Variants in KCTD8 observed in about 807,000 individuals in gnomAD.
KCTD8 encodes the protein BTB/POZ domain-containing protein KCTD8.
KCTD8 carries 27 observed loss-of-function variants against 31.5 expected under a neutral mutation model. That is an observed-to-expected ratio of 0.86 (90% CI 0.63 to 1.18). The LOEUF is 1.18. KCTD8 is among the 50% of genes most tolerant of loss of function. The probability of loss-of-function intolerance (pLI) is 0.00; values close to 1 mark genes in which losing one functional copy is unlikely to be tolerated. For synonymous variants in KCTD8, 290 were observed against 280.0 expected (o/e 1.04, Z -0.36); for missense variants, 658 against 647.7 (o/e 1.02, Z -0.17).
intron 1 of KCTD8, among the ~76,000 whole-genome samples, chr4:44,393,233 A>G (rs1720414922): frequency 6.6e-6 from 1 of 152,022 alleles, no homozygotes; most frequent in African/African-American, 2.4e-5. Flanking sequence ...CTTCAAAAGT[A>G]TGATCAGGTT....
At chr4:44,445,217 G>C (rs1403731466) in intron 1 of KCTD8, among the ~76,000 whole-genome samples, 1 of 152,010 alleles carries the variant, frequency 6.6e-6, no homozygotes, top group African/African-American at 2.4e-5. Context: ...AATGAAAGCT[G>C]TAAAAAATAA....
chr4:44,181,349 G>A (rs1272785550), intron 1 of KCTD8, among the ~76,000 whole-genome samples: 20 of 152,124 alleles, frequency 1.3e-4, no homozygotes, highest in Non-Finnish European at 1.5e-5. Context: ...CTCCCTGCCT[G>A]GTTCTCCTGC....
intron 1 of KCTD8, among the ~76,000 whole-genome samples, chr4:44,217,230 C>A (rs1033313223): frequency 6.6e-6 from 1 of 152,070 alleles, no homozygotes; most frequent in Non-Finnish European, 1.5e-5. Flanking sequence ...TCTTCACACA[C>A]CCCCAAAATC....
At chr4:44,413,987 T>C (rs1398585278) in intron 1 of KCTD8, among the ~76,000 whole-genome samples, 1 of 152,070 alleles carries the variant, frequency 6.6e-6, no homozygotes, top group Non-Finnish European at 1.5e-5. Flanking sequence ...ACCTAGATGC[T>C]GAAAAAGACT....
intron 1 of KCTD8, among the ~76,000 whole-genome samples, chr4:44,202,376 T>C (rs1253181065): frequency 6.6e-6 from 1 of 152,128 alleles, no homozygotes; most frequent in Non-Finnish European, 1.5e-5. Context: ...TGGAATCAAC[T>C]TAGGTGCCCA....
At chr4:44,278,847 T>G (rs555899688) in intron 1 of KCTD8, among the ~76,000 whole-genome samples, 1 of 152,162 alleles carries the variant, frequency 6.6e-6, no homozygotes, top group South Asian at 2.1e-4. Context: ...CAGACTCCAC[T>G]GGCAACAAAA....
intron 1 of KCTD8, among the ~76,000 whole-genome samples, chr4:44,285,987 T>C (rs1281507935): frequency 6.6e-6 from 1 of 152,138 alleles, no homozygotes; most frequent in Middle Eastern, 3.2e-3. Flanking sequence ...ATTAACGAGT[T>C]AAATTAAAAG....
intron 1 of KCTD8, among the ~76,000 whole-genome samples, chr4:44,237,867 A>T (rs1371493307): frequency 1.3e-5 from 2 of 152,148 alleles, no homozygotes; most frequent in African/African-American, 4.8e-5. Context: ...TGAGAGATTA[A>T]ACAGAAACCA....
chr4:44,186,610 G>A (rs1713595668), intron 1 of KCTD8, among the ~76,000 whole-genome samples: 1 of 152,190 alleles, frequency 6.6e-6, no homozygotes, highest in Non-Finnish European at 1.5e-5. Flanking sequence ...GCTGCTGTGG[G>A]GACGGAGCCC....
chr4:44,428,427 T>C (rs889028957), intron 1 of KCTD8, among the ~76,000 whole-genome samples: 1 of 151,678 alleles, frequency 6.6e-6, no homozygotes, highest in Non-Finnish European at 1.5e-5. Context: ...CTCCAGTCAA[T>C]TAATAATTAA....
At chr4:44,235,555 ATATATATATATATATATATATT>A (rs1346834376) in intron 1 of KCTD8, among the ~76,000 whole-genome samples, 4 of 87,650 alleles carry the variant, frequency 4.6e-5, no homozygotes, top group African/African-American at 1.7e-4. Context: ...ATATATATAT[ATATATATATATATATATATATT>A]TAGAGAGAGA....
chr4:44,447,816 C>T lies in KCTD8; in HGVS notation c.708G>A (p.Met236Ile). 6.2e-7 allele frequency: 1 copy of T among 1,602,316 alleles called. No individual in the cohort carries two copies. The highest frequency in any genetic ancestry group is 8.5e-7 in the Non-Finnish European group (1 of 1,173,148). ...TGGCCAGCGCGATGCGCCCGCACAC[C>T]ATGATGCGCGCCACACGCCGGAATT... ...DAKFRRVARIMVCGRIALAKE... is the reference protein window; with the variant it reads ...DAKFRRVARIIVCGRIALAKE... Residue 236 changes from methionine (M) to isoleucine (I), a missense_variant, in exon 1 of 2, where the codon ATG (methionine) becomes ATA (isoleucine). By Grantham distance (10) the Met-to-Ile change is conservative. Coordinates refer to ENST00000360029, the MANE Select transcript of KCTD8 (RefSeq NM_198353.3).
chr4:44,252,695 G>T (rs1715877865), intron 1 of KCTD8, among the ~76,000 whole-genome samples: 1 of 151,522 alleles, frequency 6.6e-6, no homozygotes, highest in Non-Finnish European at 1.5e-5. Context: ...AATAAATTCT[G>T]CCTTGCCCTA....
intron 1 of KCTD8, among the ~76,000 whole-genome samples, chr4:44,190,556 C>T (rs1009455171): frequency 2.6e-5 from 4 of 152,154 alleles, no homozygotes; most frequent in African/African-American, 4.8e-5. Flanking sequence ...ATCATAATGC[C>T]CTACCAAATC....
At chr4:44,240,614 C>T (rs28735791) in intron 1 of KCTD8, among the ~76,000 whole-genome samples, 218 of 152,282 alleles carry the variant, frequency 1.4e-3, no homozygotes, top group African/African-American at 4.8e-3. Flanking sequence ...GCTGGGACGA[C>T]AGGTTCAAGT....
intron 1 of KCTD8, among the ~76,000 whole-genome samples, chr4:44,199,597 TGAAATTAAA>T (rs1480454989): frequency 6.6e-6 from 1 of 152,100 alleles, no homozygotes; most frequent in Admixed American, 6.6e-5. Flanking sequence ...AAACATTTTT[TGAAATTAAA>T]GAAATTAAAG....
At chr4:44,253,182 A>G (rs1447896609) in intron 1 of KCTD8, among the ~76,000 whole-genome samples, 1 of 151,684 alleles carries the variant, frequency 6.6e-6, no homozygotes, top group East Asian at 1.9e-4. Context: ...TAGTCTTTCC[A>G]TAAAATCAGT....
intron 1 of KCTD8, among the ~76,000 whole-genome samples, chr4:44,389,189 T>C (rs1720305668): frequency 6.6e-6 from 1 of 151,674 alleles, no homozygotes; most frequent in South Asian, 2.1e-4. Context: ...TATAGTTAGA[T>C]AGAATGAATA....
intron 1 of KCTD8, among the ~76,000 whole-genome samples, chr4:44,193,349 T>C (rs1713822118): frequency 6.6e-6 from 1 of 152,100 alleles, no homozygotes; most frequent in African/African-American, 2.4e-5. Context: ...TGACAGGTCA[T>C]ATTTGGAAGA....
Sources: allele counts gnomAD v4.1 joint callset (sites outside exome capture counted in the v4.1 genomes callset), GRCh38; gene constraint gnomAD v4.1.1; transcripts MANE v1.5; gene names NCBI Gene and HGNC (gene_info 2026-07-23, HGNC 2026-07-21).